The following TIAM1 variants were observed in gnomAD, a reference collection of about 807,000 sequenced individuals.
The protein encoded by TIAM1 is TIAM Rac1 associated GEF 1.
In TIAM1, 65 loss-of-function variants were observed where a neutral mutation model predicts 163.5. That is an observed-to-expected ratio of 0.40 (90% CI 0.33 to 0.49). TIAM1 has a LOEUF of 0.49. Among genes scored for constraint, TIAM1 ranks in the 20% least tolerant of loss-of-function variants. TIAM1 has a pLI of 0.77. For missense variants in TIAM1, 1,789 were observed against 2,044.7 expected, an observed-to-expected ratio of 0.87 and a Z score of 2.41; for synonymous variants, 833 against 810.1, an observed-to-expected ratio of 1.03 and a Z score of -0.48.
intron 1 of TIAM1, among the ~76,000 whole-genome samples, chr21:31,503,358 G>A (rs1814058419): frequency 6.7e-6 from 1 of 148,480 alleles, no homozygotes; most frequent in African/African-American, 2.5e-5. Flanking sequence ...TTGTGCCACT[G>A]CACTCCAGCC....
intron 15 of TIAM1, among the ~76,000 whole-genome samples, chr21:31,166,020 T>C (rs1015725042): frequency 2.6e-5 from 4 of 152,222 alleles, no homozygotes; most frequent in African/African-American, 7.2e-5. Flanking sequence ...TGAGGATCAC[T>C]TTCCCCTGGG....
intron 2 of TIAM1, among the ~76,000 whole-genome samples, chr21:31,376,893 C>G (rs2076696257): frequency 6.6e-6 from 1 of 152,046 alleles, no homozygotes; most frequent in African/African-American, 2.4e-5. Flanking sequence ...GAGTCTCACT[C>G]TGTCACCCGG....
intron 19 of TIAM1, among the ~76,000 whole-genome samples, chr21:31,147,943 G>C (rs932303469): frequency 1.5e-5 from 2 of 136,824 alleles, no homozygotes; most frequent in Non-Finnish European, 3.0e-5. Flanking sequence ...TAACAAACTA[G>C]GTTCCCCAAA....
chr21:31,272,236 C>T (rs2073088809), intron 3 of TIAM1, among the ~76,000 whole-genome samples: 1 of 152,082 alleles, frequency 6.6e-6, no homozygotes, highest in Non-Finnish European at 1.5e-5. Context: ...TTACTGAATA[C>T]TGTGCTGAAA....
intron 2 of TIAM1, among the ~76,000 whole-genome samples, chr21:31,307,842 G>A (rs995997039): frequency 1.6e-4 from 25 of 152,202 alleles, no homozygotes; most frequent in African/African-American, 5.1e-4. Context: ...GGAAGATGGA[G>A]AATCTCAGTT....
chr21:31,394,046 G>T (rs1953345), intron 2 of TIAM1, among the ~76,000 whole-genome samples: 16 of 151,928 alleles, frequency 1.1e-4, no homozygotes, highest in African/African-American at 1.7e-4. Flanking sequence ...ACAAAAACCC[G>T]CATGTGAATG....
chr21:31,310,134 T>G (rs2074868712), intron 2 of TIAM1, among the ~76,000 whole-genome samples: 1 of 152,230 alleles, frequency 6.6e-6, no homozygotes, highest in African/African-American at 2.4e-5. Flanking sequence ...CCATCACAGC[T>G]ATGTGGGGGC....
In TIAM1 at chr21:31,549,863, C is replaced by T. The variant is rs145069605; in HGVS notation, c.-422+9064G>A. Among the ~76,000 whole-genome samples the T allele has an allele frequency of 2.6e-5, 4 of 152,332 alleles. No homozygotes were observed. The East Asian group carries it at 7.7e-4, about 29-fold the overall frequency. ...AAAAGGCCGGGCGTGGTGGCTCACGCCTGTAATCTCAGCACTTTGGGAGGC... is the reference window on the plus strand; with the variant it reads ...AAAAGGCCGGGCGTGGTGGCTCACGTCTGTAATCTCAGCACTTTGGGAGGC... On this transcript the variant is annotated intron_variant, in intron 1 of 28. Transcript: ENST00000286827.
intron 5 of TIAM1, among the ~76,000 whole-genome samples, chr21:31,248,514 C>T (rs529121419): frequency 1.9e-4 from 29 of 152,232 alleles, no homozygotes; most frequent in Admixed American, 1.4e-3. Flanking sequence ...TACGTTCTTC[C>T]GTTGTCCATG....
At chr21:31,191,003 G>A (rs930573990) in intron 13 of TIAM1, among the ~76,000 whole-genome samples, 5 of 152,126 alleles carry the variant, frequency 3.3e-5, no homozygotes, top group African/African-American at 7.2e-5. Context: ...TCGACTCTGC[G>A]GTAGCTTTTA....
At chr21:31,268,417 A>G (rs1047972688) in intron 3 of TIAM1, among the ~76,000 whole-genome samples, 1 of 152,236 alleles carries the variant, frequency 6.6e-6, no homozygotes, top group Admixed American at 6.5e-5. Context: ...TTACTCTATA[A>G]TTCCACTGTT....
chr21:31,464,199 G>A (rs1048647005), intron 1 of TIAM1, among the ~76,000 whole-genome samples: 1 of 152,128 alleles, frequency 6.6e-6, no homozygotes, highest in South Asian at 2.1e-4. Context: ...AGAAACAAAG[G>A]CCGTAAAATT....
chr21:31,269,750 C>A (rs1226516111), intron 3 of TIAM1, among the ~76,000 whole-genome samples: 2 of 150,372 alleles, frequency 1.3e-5, no homozygotes, highest in Non-Finnish European at 2.9e-5. Flanking sequence ...TGGCTCACTG[C>A]AAGCTCCACC....
intron 11 of TIAM1, among the ~76,000 whole-genome samples, chr21:31,203,840 T>C (rs1249372935): frequency 1.3e-5 from 2 of 152,250 alleles, no homozygotes; most frequent in Non-Finnish European, 2.9e-5. Flanking sequence ...ACAAGGCTTT[T>C]GGACTTCAAT....
chr21:31,155,813 T>C (rs2083598230), intron 16 of TIAM1, among the ~76,000 whole-genome samples: 1 of 152,226 alleles, frequency 6.6e-6, no homozygotes, highest in Non-Finnish European at 1.5e-5. Context: ...GGAAATTTTC[T>C]TGAAGCTAGT....
At chr21:31,305,804 A>G (rs949223503) in intron 2 of TIAM1, among the ~76,000 whole-genome samples, 1 of 152,216 alleles carries the variant, frequency 6.6e-6, no homozygotes, top group African/African-American at 2.4e-5. Context: ...TAAAACCTCC[A>G]GGAAAAAAAA....
intron 2 of TIAM1, among the ~76,000 whole-genome samples, chr21:31,316,667 C>T (rs902843762): frequency 3.3e-5 from 5 of 152,174 alleles, no homozygotes. Context: ...ATCAAGGATT[C>T]GCAACTACAG....
In TIAM1 at chr21:31,339,400, G is replaced by A; in HGVS notation, c.-346C>T. ...CTGGGCTTCAGGTCTAGAAAGGTGG[G>A]TCTCAGTCCACAGTGATTCTACCTA... On this transcript the variant is annotated 5_prime_UTR_variant, in exon 2 of 28. Transcript: ENST00000541036. The A allele has an allele frequency of 5.0e-6, 2 of 398,620 alleles. No individual in the cohort carries two copies. Among genetic ancestry groups the A allele is most frequent in the Non-Finnish European group, 8.8e-6 (2 of 226,108 alleles). 24.7% of individuals were successfully genotyped at this position (398,620 alleles called of 1,614,324 possible). A position where few individuals can be genotyped will look rare whatever the true frequency, so the allele number is the denominator to read the frequency against.
intron 2 of TIAM1, among the ~76,000 whole-genome samples, chr21:31,439,276 T>G (rs574224345): frequency 5.3e-5 from 8 of 152,112 alleles, no homozygotes; most frequent in Non-Finnish European, 8.8e-5. Flanking sequence ...TTAAAAGCAT[T>G]GTATTCTTTG....
Sources: allele counts gnomAD v4.1 joint callset (sites outside exome capture counted in the v4.1 genomes callset), GRCh38; gene constraint gnomAD v4.1.1; transcripts MANE v1.5; gene names NCBI Gene and HGNC (gene_info 2026-07-23, HGNC 2026-07-21).